Variants in MICU2 observed in about 807,000 individuals in gnomAD.
MICU2 encodes the protein calcium uptake protein 2, mitochondrial.
MICU2 carries 64 observed loss-of-function variants against 60.4 expected under a neutral mutation model. That is an observed-to-expected ratio of 1.06 (90% confidence interval 0.87 to 1.31). The LOEUF is 1.31. MICU2 is among the 50% of genes most tolerant of loss of function. The pLI, the probability that MICU2 is intolerant of heterozygous loss-of-function variation, is 0.00. For missense variants in MICU2, 569 were observed against 531.0 expected (o/e 1.07, Z -0.70); for synonymous variants, 201 against 175.0 (o/e 1.15, Z -1.17).
At chr13:21,538,566 A>AAAAG (rs1887193332) in intron 4 of MICU2, among the ~76,000 whole-genome samples, 1 of 150,710 alleles carries the variant, frequency 6.6e-6, no homozygotes. Context: ...CTGTCTCAAA[A>AAAAG]AAAAAAAAAA....
At chr13:21,541,408 A>G (rs973132011) in intron 2 of MICU2, among the ~76,000 whole-genome samples, 2 of 152,184 alleles carry the variant, frequency 1.3e-5, no homozygotes, top group Non-Finnish European at 2.9e-5. Context: ...ATTGAATAAT[A>G]TAACACCAGA....
chr13:21,535,058 A>C (rs936096388), intron 4 of MICU2, among the ~76,000 whole-genome samples: 2 of 152,190 alleles, frequency 1.3e-5, no homozygotes, highest in African/African-American at 4.8e-5. Context: ...TATGCTTCTA[A>C]GGTTTTGAAA....
At chr13:21,575,774 A>C (rs1294535492) in intron 1 of MICU2, among the ~76,000 whole-genome samples, 1 of 150,746 alleles carries the variant, frequency 6.6e-6, no homozygotes, top group Non-Finnish European at 1.5e-5. Flanking sequence ...GCCTTAATTT[A>C]AAATCTGAAT....
At chr13:21,555,422 C>T (rs1051704111) in intron 2 of MICU2, among the ~76,000 whole-genome samples, 19 of 152,162 alleles carry the variant, frequency 1.2e-4, no homozygotes, top group African/African-American at 4.3e-4. Context: ...ACAAAAACCA[C>T]ATGATTATCT....
chr13:21,598,309 A>C (rs1355310317), intron 1 of MICU2, among the ~76,000 whole-genome samples: 3 of 152,214 alleles, frequency 2.0e-5, no homozygotes, highest in Non-Finnish European at 4.4e-5. Flanking sequence ...GAACAATAAC[A>C]AATAAAATAT....
chr13:21,582,028 G>A (rs566126716), intron 1 of MICU2, among the ~76,000 whole-genome samples: 68 of 152,240 alleles, frequency 4.5e-4, no homozygotes, highest in Admixed American at 1.2e-3. Context: ...AAGCCACTGC[G>A]GGGTGCCTTC....
In MICU2 at chr13:21,604,107, C is replaced by G; in HGVS notation, c.42G>C (p.Trp14Cys). ...CGAGCCCCCGTCGCAGTTTTCCGCC[C>G]CAGGCCGCCACCCGCGCGCAGCTAC... is the stretch of plus-strand genomic sequence containing the variant. ...AAGSCARVAA[W>C]GGKLRRGLAV... Residue 14 changes from tryptophan (W) to cysteine (C), a missense_variant, in exon 1 of 12, where the codon TGG becomes TGC. Transcript: ENST00000382374. The G allele has an allele frequency of 6.3e-7, 1 of 1,584,666 alleles. No homozygotes were observed. Among genetic ancestry groups the G allele is most frequent in the Non-Finnish European group, 8.6e-7 (1 of 1,167,436 alleles).
intron 4 of MICU2, among the ~76,000 whole-genome samples, chr13:21,525,220 T>A (rs1333650375): frequency 2.5e-5 from 3 of 121,982 alleles, no homozygotes. Flanking sequence ...TGAGATGGAG[T>A]CTTGCTCTGT....
At chr13:21,510,133 T>C in intron 7 of MICU2, 32 bp from the exon 8 acceptor site, 1 of 1,122,448 alleles carries the variant, frequency 8.9e-7, no homozygotes, top group Non-Finnish European at 1.2e-6. Context: ...TTTAAAATAA[T>C]TATAAATAAG....
chr13:21,602,706 T>G (rs567826313), intron 1 of MICU2: 3 of 152,214 alleles, frequency 2.0e-5, no homozygotes, highest in African/African-American at 2.4e-5. Flanking sequence ...TTAATACAAA[T>G]AAGGAATATC....
At chr13:21,530,682 C>A in intron 4 of MICU2, 1 of 359,798 alleles carries the variant, frequency 2.8e-6, no homozygotes, top group Non-Finnish European at 5.0e-6. Context: ...AAATAAGTTA[C>A]TGGGGTGGCC....
At chr13:21,568,917 T>C (rs1435991747) in intron 1 of MICU2, among the ~76,000 whole-genome samples, 1 of 152,086 alleles carries the variant, frequency 6.6e-6, no homozygotes, top group African/African-American at 2.4e-5. Flanking sequence ...TATATGCTTA[T>C]ACATGCCTAT....
At chr13:21,527,336 T>G (rs1847280358) in intron 4 of MICU2, among the ~76,000 whole-genome samples, 3 of 152,202 alleles carry the variant, frequency 2.0e-5, no homozygotes. Context: ...TAGACTCCAC[T>G]GGGCTTGATG....
intron 1 of MICU2, among the ~76,000 whole-genome samples, chr13:21,575,553 T>C (rs1262046997): frequency 1.3e-5 from 2 of 150,852 alleles, no homozygotes; most frequent in Non-Finnish European, 3.0e-5. Flanking sequence ...CGAGACATCA[T>C]ATCTACAAAA....
chr13:21,597,520 A>G (rs1888719916), intron 1 of MICU2, among the ~76,000 whole-genome samples: 1 of 152,202 alleles, frequency 6.6e-6, no homozygotes, highest in Admixed American at 6.5e-5. Flanking sequence ...CACCCTAGAT[A>G]AACATTTATG....
chr13:21,567,564 TGA>T (rs1356459145), intron 1 of MICU2, among the ~76,000 whole-genome samples: 1 of 152,154 alleles, frequency 6.6e-6, no homozygotes, highest in Non-Finnish European at 1.5e-5. Flanking sequence ...TTCAGAAATG[TGA>T]GAGAACCATG....
chr13:21,580,285 C>T (rs1225003908), intron 1 of MICU2, among the ~76,000 whole-genome samples: 1 of 152,172 alleles, frequency 6.6e-6, no homozygotes, highest in African/African-American at 2.4e-5. Flanking sequence ...AAATCTTTAC[C>T]TTGATCCCCA....
chr13:21,533,701 G>A (rs561702749), intron 4 of MICU2, among the ~76,000 whole-genome samples: 1 of 151,970 alleles, frequency 6.6e-6, no homozygotes, highest in East Asian at 1.9e-4. Context: ...TTAAGTGACT[G>A]CATTTTGTGA....
chr13:21,496,629 G>A (rs935848918), intron 9 of MICU2: 2 of 156,418 alleles, frequency 1.3e-5, no homozygotes, highest in Admixed American at 6.4e-5. Context: ...TTTATAACGT[G>A]TATGACCTTA....
Sources: allele counts gnomAD v4.1 joint callset (sites outside exome capture counted in the v4.1 genomes callset), GRCh38; gene constraint gnomAD v4.1.1; transcripts MANE v1.5; gene names NCBI Gene and HGNC (gene_info 2026-07-23, HGNC 2026-07-21).